The following NUFIP1 variants were observed in gnomAD, a reference collection of about 807,000 sequenced individuals.
NUFIP1 encodes the protein nuclear FMR1 interacting protein 1.
Under a neutral mutation model 56.2 loss-of-function variants are expected in NUFIP1, and 38 were observed. The ratio of observed to expected loss-of-function variants is 0.68; its 90% CI spans 0.52 to 0.89. The LOEUF (loss-of-function observed/expected upper bound fraction) is 0.89. NUFIP1 is among the 40% of genes least tolerant of loss of function. The pLI is 0.00. For synonymous variants in NUFIP1, 215 were observed against 212.4 expected (o/e 1.01, Z -0.10); for missense variants, 567 against 605.8 (o/e 0.94, Z 0.67).
intron 6 of NUFIP1, among the ~76,000 whole-genome samples, chr13:44,964,719 GA>G (rs934242157): frequency 5.3e-5 from 8 of 151,764 alleles, no homozygotes; most frequent in Non-Finnish European, 8.8e-5. Context: ...AAGGTTGGGG[GA>G]AAAAAACGAC....
intron 7 of NUFIP1, among the ~76,000 whole-genome samples, chr13:44,956,519 T>A (rs920141966): frequency 6.6e-6 from 1 of 152,146 alleles, no homozygotes; most frequent in Admixed American, 6.6e-5. Context: ...CAATGCACCA[T>A]AATGTAGAAT....
chr13:44,962,323 A>G (rs1186202229), intron 6 of NUFIP1, among the ~76,000 whole-genome samples: 4 of 152,218 alleles, frequency 2.6e-5, no homozygotes, highest in East Asian at 3.8e-4. Context: ...TCTCCACTGC[A>G]TTATATTGCC....
At chr13:44,968,123 T>C (rs1260312273) in intron 5 of NUFIP1, among the ~76,000 whole-genome samples, 1 of 151,986 alleles carries the variant, frequency 6.6e-6, no homozygotes, top group Non-Finnish European at 1.5e-5. Context: ...TGTGAAGCAA[T>C]ATATATCCAG....
intron 7 of NUFIP1, among the ~76,000 whole-genome samples, chr13:44,950,800 T>C (rs1871064976): frequency 6.6e-6 from 1 of 152,200 alleles, no homozygotes; most frequent in South Asian, 2.1e-4. Context: ...ACACCACCTA[T>C]TACATTTCTT....
chr13:44,961,027 C>T (rs778656306), intron 6 of NUFIP1, among the ~76,000 whole-genome samples: 7 of 144,490 alleles, frequency 4.8e-5, no homozygotes, highest in Admixed American at 2.2e-4. Flanking sequence ...CACTCCAGCC[C>T]GGGCAAAGTA....
At chr13:44,943,314 T>C (rs1870805181) in intron 9 of NUFIP1, 128 bp downstream of exon 9, 1 of 713,696 alleles carries the variant, frequency 1.4e-6, no homozygotes, top group African/African-American at 1.8e-5. Flanking sequence ...AGATACAAAG[T>C]CTCCAAGGTC....
intron 6 of NUFIP1, among the ~76,000 whole-genome samples, chr13:44,964,325 G>A (rs574842871): frequency 5.3e-5 from 8 of 152,136 alleles, no homozygotes; most frequent in Non-Finnish European, 1.2e-4. Flanking sequence ...AACAGGGACT[G>A]AATTTATCCT....
chr13:44,973,730 G>A (rs545853879), intron 5 of NUFIP1, among the ~76,000 whole-genome samples: 1 of 152,290 alleles, frequency 6.6e-6, no homozygotes, highest in South Asian at 2.1e-4. Flanking sequence ...CTAGGCAGAT[G>A]AGAAAAAATA....
intron 5 of NUFIP1, among the ~76,000 whole-genome samples, chr13:44,976,214 A>G (rs1291257058): frequency 3.9e-5 from 6 of 152,204 alleles, no homozygotes; most frequent in Admixed American, 3.9e-4. Flanking sequence ...TCAGCTCTTT[A>G]TAATGTACAT....
intron 7 of NUFIP1, among the ~76,000 whole-genome samples, chr13:44,954,299 G>GTTACC (rs1871160144): frequency 6.6e-6 from 1 of 152,138 alleles, no homozygotes; most frequent in African/African-American, 2.4e-5. Flanking sequence ...ACTTTTCTTA[G>GTTACC]GGTAAATCTC....
rs888059163 is a variant in NUFIP1 at position 44,986,545 on chromosome 13, A to C, written c.412+2480T>G. Among the ~76,000 whole-genome samples, 2 of 152,176 alleles carry C rather than the reference A, an allele frequency of 1.3e-5. 1 individual carries two copies. Among genetic ancestry groups the C allele is most frequent in the South Asian group, 4.2e-4 (2 of 4,818 alleles). On this transcript the variant is annotated intron_variant, in intron 1 of 9. Coordinates refer to ENST00000379161, the MANE Select transcript of NUFIP1 (RefSeq NM_012345.3). ...TCTCTACTAAAAATACAAAAAAATC[A>C]GCCGGGCGTGGTGGTGGGCGCCTGT...
chr13:44,985,057 T>C (rs989751341), intron 1 of NUFIP1, among the ~76,000 whole-genome samples: 42 of 152,264 alleles, frequency 2.8e-4, no homozygotes, highest in African/African-American at 9.6e-4. Flanking sequence ...TTTTATGGAA[T>C]GCAGAATTGA....
intron 8 of NUFIP1, among the ~76,000 whole-genome samples, 167 bp from the exon 9 acceptor site, chr13:44,943,841 G>A (rs1162081473): frequency 6.6e-6 from 1 of 152,108 alleles, no homozygotes; most frequent in Non-Finnish European, 1.5e-5. Context: ...ATGTATTCTA[G>A]TATTTTTCAA....
At chr13:44,979,616 T>C (rs987221356) in intron 4 of NUFIP1, among the ~76,000 whole-genome samples, 1 of 152,160 alleles carries the variant, frequency 6.6e-6, no homozygotes, top group African/African-American at 2.4e-5. Context: ...CAGCATGGTG[T>C]AGTAAAGCAG....
intron 9 of NUFIP1, among the ~76,000 whole-genome samples, chr13:44,943,143 G>A (rs994036193): frequency 6.6e-6 from 1 of 151,980 alleles, no homozygotes; most frequent in Non-Finnish European, 1.5e-5. Flanking sequence ...TGTACTTTTA[G>A]CTGTGCTTTC....
chr13:44,967,314 C>G (rs1480209251), intron 5 of NUFIP1, among the ~76,000 whole-genome samples: 1 of 151,884 alleles, frequency 6.6e-6, no homozygotes, highest in East Asian at 1.9e-4. Context: ...TCGAGACCAG[C>G]CTGGCCAACA....
Position 44,979,280 on chromosome 13 carries a change from G to A in NUFIP1, c.658-14C>T, listed in dbSNP as rs768591921. The A allele has an allele frequency of 1.2e-6, 2 of 1,606,876 alleles. No homozygotes were observed. Among genetic ancestry groups the A allele is most frequent in the Non-Finnish European group, 1.7e-6 (2 of 1,177,336 alleles). ...AGGAGCATGCATCTAGGGGGAAAAA[G>A]CCTGCTGAACATCAGGAGGCAATAT... On this transcript the variant is annotated splice_polypyrimidine_tract_variant and intron_variant, in intron 4 of 9. Coordinates refer to ENST00000379161, the MANE Select transcript of NUFIP1 (RefSeq NM_012345.3).
chr13:44,979,786 C>A, intron 4 of NUFIP1, 104 bp downstream of exon 4: 2 of 734,048 alleles, frequency 2.7e-6, no homozygotes, highest in African/African-American at 1.8e-5. Flanking sequence ...CAAAGTACTC[C>A]ATTAGTGTTA....
At chr13:44,987,022 G>C (rs1345367140) in intron 1 of NUFIP1, among the ~76,000 whole-genome samples, 1 of 151,836 alleles carries the variant, frequency 6.6e-6, no homozygotes, top group Admixed American at 6.6e-5. Context: ...GTCTCACTTT[G>C]TTGCCCAGGC....
Sources: gnomAD v4.1 joint callset for allele counts (sites outside exome capture counted in the v4.1 genomes callset) on GRCh38, gnomAD v4.1.1 for gene constraint, MANE v1.5 for transcripts, NCBI Gene and HGNC (gene_info 2026-07-23, HGNC 2026-07-21) for gene names.